The following LIN7A variants were observed in gnomAD, a reference collection of about 807,000 sequenced individuals.
LIN7A encodes the protein lin-7 cell polarity scaffold A.
Under a neutral mutation model 29.8 loss-of-function variants are expected in LIN7A, and 25 were observed. The observed-to-expected ratio is 0.84, with a 90% CI of 0.61 to 1.17. The LOEUF (loss-of-function observed/expected upper bound fraction) is 1.17, where lower values mean the gene tolerates loss of function less well. LIN7A is among the 50% of genes most tolerant of loss of function. The probability of loss-of-function intolerance (pLI) is 0.00; values close to 1 mark genes in which losing one functional copy is unlikely to be tolerated. For missense variants in LIN7A, 239 were observed against 287.0 expected (o/e 0.83, Z 1.21); for synonymous variants, 118 against 107.5 (o/e 1.10, Z -0.60).
At chr12:80,918,220 T>C (rs1877120462) in intron 1 of LIN7A, among the ~76,000 whole-genome samples, 1 of 151,964 alleles carries the variant, frequency 6.6e-6, no homozygotes, top group South Asian at 2.1e-4. Context: ...GCTGATATTT[T>C]TTTTTATTTA....
chr12:80,898,957 C>T (rs1438588072), intron 1 of LIN7A, among the ~76,000 whole-genome samples: 1 of 152,136 alleles, frequency 6.6e-6, no homozygotes, highest in African/African-American at 2.4e-5. Context: ...TCCTCTCTTC[C>T]TAATTTGGAT....
intron 4 of LIN7A, among the ~76,000 whole-genome samples, chr12:80,840,054 A>G (rs953876006): frequency 1.3e-5 from 2 of 151,996 alleles, no homozygotes; most frequent in African/African-American, 2.4e-5. Flanking sequence ...TCATGCTTAT[A>G]TTTTATCTTT....
At chr12:80,807,080 T>TTTTTTTTTTTTTTTGTTTTTTG (rs1565883886) in intron 5 of LIN7A, among the ~76,000 whole-genome samples, 1 of 134,686 alleles carries the variant, frequency 7.4e-6, no homozygotes, top group African/African-American at 2.8e-5. Context: ...TTTTTTTTTT[T>TTTTTTTTTTTTTTTGTTTTTTG]TTTTTTTTTT....
chr12:80,815,928 A>G (rs1191696971), intron 4 of LIN7A, among the ~76,000 whole-genome samples: 2 of 152,130 alleles, frequency 1.3e-5, no homozygotes, highest in Non-Finnish European at 2.9e-5. Context: ...TTTTGACCAA[A>G]GAGAAGTATA....
At chr12:80,839,295 G>A (rs1419119602) in intron 4 of LIN7A, among the ~76,000 whole-genome samples, 1 of 152,184 alleles carries the variant, frequency 6.6e-6, no homozygotes, top group Non-Finnish European at 1.5e-5. Context: ...CCATTTAGTA[G>A]CTATAGGAGA....
At position 80,837,999 on chromosome 12, in the gene LIN7A, A is replaced by G. The variant is rs568811055; in HGVS notation, c.483+7731T>C. 8.5e-5 allele frequency among the ~76,000 whole-genome samples: 13 copies of G among 152,326 alleles called. 1 individual carries two copies. The highest frequency in any genetic ancestry group is 8.3e-4 in the South Asian group (4 of 4,828). On this transcript the variant is annotated intron_variant, in intron 4 of 5. Transcript: ENST00000552864. Reference sequence around the variant, plus strand: ...TGTTGAATGAAAGAAAAGCATTGCTAAAATAACAGCACAAATAGAAGGAAA... The same window carrying G: ...TGTTGAATGAAAGAAAAGCATTGCTGAAATAACAGCACAAATAGAAGGAAA...
chr12:80,908,355 AT>A (rs1243837042), intron 1 of LIN7A, among the ~76,000 whole-genome samples: 1 of 152,110 alleles, frequency 6.6e-6, no homozygotes, highest in Non-Finnish European at 1.5e-5. Flanking sequence ...TGAAATTCAT[AT>A]GTATAAGTAA....
intron 5 of LIN7A, among the ~76,000 whole-genome samples, chr12:80,810,351 C>T (rs548147134): frequency 6.6e-6 from 1 of 151,460 alleles, no homozygotes; most frequent in East Asian, 1.9e-4. Flanking sequence ...ACAAAAATGA[C>T]ATTTCCTGCT....
intron 5 of LIN7A, among the ~76,000 whole-genome samples, chr12:80,809,606 T>A (rs969989408): frequency 6.6e-6 from 1 of 152,222 alleles, no homozygotes; most frequent in African/African-American, 2.4e-5. Context: ...ACTGAAGCTA[T>A]TTTAGCTTCA....
chr12:80,839,947 C>T (rs1476349766), intron 4 of LIN7A, among the ~76,000 whole-genome samples: 1 of 152,156 alleles, frequency 6.6e-6, no homozygotes, highest in African/African-American at 2.4e-5. Flanking sequence ...TAGGTAAATT[C>T]AGCTGCAATT....
At chr12:80,823,322 C>A (rs1347401618) in intron 4 of LIN7A, among the ~76,000 whole-genome samples, 1 of 152,198 alleles carries the variant, frequency 6.6e-6, no homozygotes. Flanking sequence ...GCTCCCCGAG[C>A]CAGGGTTGTG....
At chr12:80,803,737 T>A (rs1277827235) in intron 5 of LIN7A, among the ~76,000 whole-genome samples, 2 of 152,230 alleles carry the variant, frequency 1.3e-5, no homozygotes, top group African/African-American at 2.4e-5. Context: ...TTTGTGTTAT[T>A]TTAAGCTACT....
rs1365745001 is a variant in LIN7A, at chr12:80,802,666, C to CT, written c.*1-4941dup. On this transcript the variant is annotated intron_variant, in intron 5 of 5. Coordinates refer to ENST00000552864, the MANE Select transcript of LIN7A (RefSeq NM_004664.4). ...TTCTTTTTTAAAATTTAAAATTTTA[C>CT]TTTTTTTTTTTTTTTAGAGATGGGG... Among the ~76,000 whole-genome samples the CT allele has an allele frequency of 9.3e-3, 1,303 of 140,482 alleles. 15 individuals are homozygous for CT. Among genetic ancestry groups the CT allele is most frequent in the African/African-American group, 0.025 (974 of 38,534 alleles). 92.2% of individuals were successfully genotyped at this position (140,482 alleles called of 152,430 possible). A position where few individuals can be genotyped will look rare whatever the true frequency, so the allele number is the denominator to read the frequency against.
At chr12:80,899,097 TATG>T (rs1876062203) in intron 1 of LIN7A, among the ~76,000 whole-genome samples, 1 of 152,200 alleles carries the variant, frequency 6.6e-6, no homozygotes, top group South Asian at 2.1e-4. Flanking sequence ...TCCCATTTAG[TATG>T]ATGTTGGCTG....
chr12:80,923,800 T>C (rs1319319816), intron 1 of LIN7A, among the ~76,000 whole-genome samples: 2 of 152,184 alleles, frequency 1.3e-5, no homozygotes, highest in Non-Finnish European at 2.9e-5. Flanking sequence ...TAAGCTTAAG[T>C]TCTCAAGAAT....
At chr12:80,819,737 T>C (rs1592860688) in intron 4 of LIN7A, among the ~76,000 whole-genome samples, 1 of 41,008 alleles carries the variant, frequency 2.4e-5, no homozygotes, top group African/African-American at 2.0e-4. Flanking sequence ...GTGTACTTAG[T>C]TTATAGGATT....
intron 2 of LIN7A, among the ~76,000 whole-genome samples, chr12:80,888,581 G>T (rs1228164920): frequency 6.6e-6 from 1 of 152,112 alleles, no homozygotes; most frequent in Non-Finnish European, 1.5e-5. Context: ...TTATTACCTG[G>T]TTCCTGACGG....
intron 5 of LIN7A, among the ~76,000 whole-genome samples, chr12:80,810,484 G>A (rs1227389953): frequency 6.6e-6 from 1 of 151,204 alleles, no homozygotes; most frequent in Non-Finnish European, 1.5e-5. Flanking sequence ...TTTAAAAAAT[G>A]TATTCATCCC....
chr12:80,896,558 C>T (rs1375451367), intron 1 of LIN7A, among the ~76,000 whole-genome samples: 1 of 152,136 alleles, frequency 6.6e-6, no homozygotes, highest in East Asian at 1.9e-4. Context: ...CTCATCTGAC[C>T]CTCATCTCTG....
Sources: gnomAD v4.1 joint callset for allele counts (sites outside exome capture counted in the v4.1 genomes callset) on GRCh38, gnomAD v4.1.1 for gene constraint, MANE v1.5 for transcripts, NCBI Gene and HGNC (gene_info 2026-07-23, HGNC 2026-07-21) for gene names.